DCLK1: variants seen among roughly 807,000 people sequenced by gnomAD.
DCLK1 encodes the protein doublecortin like kinase 1, also known as serine/threonine-protein kinase DCLK1.
In DCLK1, 16 loss-of-function variants were observed where a neutral mutation model predicts 86.2. The observed-to-expected ratio is 0.19, with a 90% CI of 0.13 to 0.28. The LOEUF is 0.28. Ranked by LOEUF, DCLK1 falls within the 10% of genes least tolerant of loss-of-function variation. The pLI is 1.00. For missense variants in DCLK1, 590 were observed against 940.2 expected, an observed-to-expected ratio of 0.63 and a Z score of 4.87; for synonymous variants, 369 against 370.5, an observed-to-expected ratio of 1.00 and a Z score of 0.05.
At chr13:36,092,150 C>G (rs535445234) in intron 3 of DCLK1, among the ~76,000 whole-genome samples, 1 of 152,134 alleles carries the variant, frequency 6.6e-6, no homozygotes, top group South Asian at 2.1e-4. Flanking sequence ...AACTCCAAAT[C>G]TGCTTTATTT....
At chr13:35,844,439 C>T (rs1420554848) in intron 6 of DCLK1, among the ~76,000 whole-genome samples, 2 of 152,112 alleles carry the variant, frequency 1.3e-5, no homozygotes, top group Non-Finnish European at 2.9e-5. Flanking sequence ...CCTCAATTGT[C>T]CAATCACTAT....
intron 2 of DCLK1, among the ~76,000 whole-genome samples, chr13:36,112,536 T>G (rs1355833017): frequency 6.6e-6 from 1 of 152,128 alleles, no homozygotes; most frequent in Non-Finnish European, 1.5e-5. Context: ...TAGAAAATAT[T>G]CTTTGGGAAT....
At chr13:35,814,662 A>C (rs1472779523) in intron 11 of DCLK1, among the ~76,000 whole-genome samples, 2 of 152,206 alleles carry the variant, frequency 1.3e-5, no homozygotes, top group Non-Finnish European at 2.9e-5. Flanking sequence ...GGTATGATTT[A>C]ATGTTCATCC....
intron 3 of DCLK1, among the ~76,000 whole-genome samples, chr13:36,029,409 T>C (rs1480203290): frequency 3.3e-5 from 5 of 152,208 alleles, no homozygotes; most frequent in African/African-American, 1.2e-4. Flanking sequence ...TTATTTTCCT[T>C]ATTGCATTCC....
intron 4 of DCLK1, among the ~76,000 whole-genome samples, chr13:35,895,013 C>T (rs1342001295): frequency 6.6e-6 from 1 of 152,166 alleles, no homozygotes; most frequent in Non-Finnish European, 1.5e-5. Flanking sequence ...GTTGTGTGAT[C>T]ATGGCTCACT....
intron 15 of DCLK1, 123 bp downstream of exon 15, chr13:35,805,576 G>A (rs1026636477): frequency 4.2e-6 from 4 of 953,612 alleles, no homozygotes; most frequent in Non-Finnish European, 6.3e-6. Context: ...TGAGATTACA[G>A]GCGTGAGACA....
chr13:36,093,372 A>G (rs1035642047), intron 3 of DCLK1, among the ~76,000 whole-genome samples: 2 of 152,204 alleles, frequency 1.3e-5, no homozygotes, highest in East Asian at 3.8e-4. Context: ...GTGAAAGGAT[A>G]TTTGCTACAG....
At chr13:36,108,737 T>C (rs1885497634) in intron 3 of DCLK1, among the ~76,000 whole-genome samples, 1 of 152,220 alleles carries the variant, frequency 6.6e-6, no homozygotes, top group Admixed American at 6.5e-5. Context: ...AAACATGAAA[T>C]TCTTTACTGG....
intron 15 of DCLK1, among the ~76,000 whole-genome samples, chr13:35,803,980 T>G (rs2086974966): frequency 6.6e-6 from 1 of 152,108 alleles, no homozygotes; most frequent in Non-Finnish European, 1.5e-5. Context: ...TCAGTGGGGA[T>G]TACCATAGAA....
At chr13:35,871,468 G>A (rs1489523939) in intron 4 of DCLK1, 128 bp from the exon 5 acceptor site, 1 of 787,076 alleles carries the variant, frequency 1.3e-6, no homozygotes, top group Non-Finnish European at 2.1e-6. Flanking sequence ...CCCACCAGCT[G>A]GGTTCTTGTC....
chr13:36,116,229 C>T (rs755694756), intron 2 of DCLK1, among the ~76,000 whole-genome samples: 15 of 152,074 alleles, frequency 9.9e-5, no homozygotes, highest in Non-Finnish European at 1.6e-4. Context: ...GGATTATAGG[C>T]GTGAGCCACC....
intron 5 of DCLK1, among the ~76,000 whole-genome samples, chr13:35,868,224 TG>T: frequency 6.6e-6 from 1 of 152,148 alleles, no homozygotes; most frequent in South Asian, 2.1e-4. Context: ...GGTTTCACTG[TG>T]TTAGCCAGGA....
intron 16 of DCLK1, among the ~76,000 whole-genome samples, 176 bp from the exon 17 acceptor site, chr13:35,774,875 T>G (rs989968191): frequency 6.6e-6 from 1 of 152,100 alleles, no homozygotes; most frequent in Non-Finnish European, 1.5e-5. Context: ...TCCCCACAAA[T>G]CCAGGTCTTT....
intron 3 of DCLK1, among the ~76,000 whole-genome samples, chr13:36,043,290 C>A (rs1882757825): frequency 6.6e-6 from 1 of 150,440 alleles, no homozygotes; most frequent in Non-Finnish European, 1.5e-5. Flanking sequence ...AAATAAACAC[C>A]AAAAAATAAA....
intron 3 of DCLK1, among the ~76,000 whole-genome samples, chr13:35,972,068 C>T (rs1359077769): frequency 6.6e-6 from 1 of 152,118 alleles, no homozygotes; most frequent in Non-Finnish European, 1.5e-5. Flanking sequence ...GATTGGTGAC[C>T]ACAGACTTGG....
At chr13:35,819,650 T>A (rs2087346737) in intron 11 of DCLK1, among the ~76,000 whole-genome samples, 1 of 152,132 alleles carries the variant, frequency 6.6e-6, no homozygotes, top group South Asian at 2.1e-4. Flanking sequence ...TTCCCTATAA[T>A]AAGTAAATGG....
intron 3 of DCLK1, among the ~76,000 whole-genome samples, chr13:36,064,316 G>T (rs959630761): frequency 3.3e-5 from 5 of 152,158 alleles, no homozygotes; most frequent in Non-Finnish European, 7.3e-5. Flanking sequence ...CAACACAAAT[G>T]CCATTTTCCT....
Position 35,884,727 on chromosome 13 carries a change from T to A in DCLK1, c.824-13387A>T, listed in dbSNP as rs572145689. Among the ~76,000 whole-genome samples the A allele has an allele frequency of 8.5e-5, 13 of 152,208 alleles. No individual in the cohort carries two copies. In the East Asian group the frequency reaches 2.5e-3, roughly 30 times the overall value. ...TAGCACATGCCCCAGTGGGTTGAGG[T>A]CAAGTGGTCTGGAGGCGGCTCCCTG... On this transcript the variant is annotated intron_variant, in intron 4 of 16. Coordinates refer to ENST00000360631, the MANE Select transcript of DCLK1 (RefSeq NM_001330071.2).
chr13:36,051,278 G>A (rs143796650), intron 3 of DCLK1, among the ~76,000 whole-genome samples: 75 of 152,134 alleles, frequency 4.9e-4, no homozygotes, highest in African/African-American at 1.8e-3. Flanking sequence ...CAAGGTCCCT[G>A]GAGACTCTTC....
Sources: gnomAD v4.1 joint callset for allele counts (sites outside exome capture counted in the v4.1 genomes callset) on GRCh38, gnomAD v4.1.1 for gene constraint, MANE v1.5 for transcripts, NCBI Gene and HGNC (gene_info 2026-07-23, HGNC 2026-07-21) for gene names.